The following OSBPL10 variants were observed in gnomAD, a reference collection of about 807,000 sequenced individuals.
The protein encoded by OSBPL10 is oxysterol-binding protein-related protein 10.
In OSBPL10, 49 loss-of-function variants were observed where a neutral mutation model predicts 81.7. The ratio of observed to expected loss-of-function variants is 0.60; its 90% confidence interval spans 0.48 to 0.76. The LOEUF (loss-of-function observed/expected upper bound fraction) is 0.76, where lower values mean the gene tolerates loss of function less well. Among genes scored for constraint, OSBPL10 ranks in the 30% least tolerant of loss-of-function variants. The pLI is 0.00. For missense variants in OSBPL10, 923 were observed against 987.8 expected (o/e 0.93, Z 0.88); for synonymous variants, 419 against 383.6 (o/e 1.09, Z -1.08).
chr3:31,780,629 T>C (rs980534215), intron 4 of OSBPL10, among the ~76,000 whole-genome samples: 2 of 152,026 alleles, frequency 1.3e-5, no homozygotes, highest in Non-Finnish European at 2.9e-5. Flanking sequence ...TGAGAGATAT[T>C]ATAATCAATA....
intron 6 of OSBPL10, chr3:31,718,961 T>C (rs1255419571): frequency 1.3e-5 from 2 of 152,172 alleles, no homozygotes; most frequent in Non-Finnish European, 2.9e-5. Flanking sequence ...GCATTTCTCT[T>C]AATAAGAGGA....
upstream of OSBPL10, among the ~76,000 whole-genome samples, chr3:31,982,174 A>G (rs1364572440): frequency 1.3e-5 from 2 of 152,192 alleles, no homozygotes; most frequent in East Asian, 3.8e-4. Flanking sequence ...GAGGCAAGGG[A>G]AATTAACAGA....
intron 1 of OSBPL10, among the ~76,000 whole-genome samples, chr3:31,953,351 T>A (rs973119813): frequency 1.3e-4 from 20 of 151,984 alleles, no homozygotes; most frequent in African/African-American, 4.8e-4. Flanking sequence ...CACATTATAT[T>A]ATTTAATACC....
chr3:31,814,413 G>C (rs1575562336), intron 4 of OSBPL10, among the ~76,000 whole-genome samples: 1 of 152,302 alleles, frequency 6.6e-6, no homozygotes, highest in East Asian at 1.9e-4. Context: ...TTGGAAATAG[G>C]ACCTGTGGAG....
At chr3:31,783,614 A>T (rs1361710493) in intron 4 of OSBPL10, among the ~76,000 whole-genome samples, 1 of 149,894 alleles carries the variant, frequency 6.7e-6, no homozygotes, top group Non-Finnish European at 1.5e-5. Flanking sequence ...AACATGGTGA[A>T]ATCCCGTCTC....
Position 31,872,506 on chromosome 3 carries a change from A to G in OSBPL10, c.537+3927T>C, listed in dbSNP as rs550555707. Among the ~76,000 whole-genome samples, 10 of 149,094 alleles carry G rather than the reference A, an allele frequency of 6.7e-5. 1 individual carries two copies. Among genetic ancestry groups the G allele is most frequent in the Admixed American group, 1.3e-4 (2 of 14,958 alleles). ...TGATTTAGGGTTATTCACACTTTCA[A>G]TTTTTCCAAGTAAGAATATTAAGAA... On this transcript the variant is annotated intron_variant, in intron 3 of 11. Transcript: ENST00000396556.
intron 1 of OSBPL10, among the ~76,000 whole-genome samples, chr3:31,896,586 C>T (rs1276383905): frequency 1.3e-5 from 2 of 152,178 alleles, no homozygotes; most frequent in East Asian, 3.8e-4. Flanking sequence ...CCAGGACAAT[C>T]GGACATTAAG....
At chr3:31,961,304 T>C (rs192417647) in intron 1 of OSBPL10, among the ~76,000 whole-genome samples, 152 of 152,212 alleles carry the variant, frequency 1.0e-3, no homozygotes, top group African/African-American at 3.6e-3. Context: ...ATTTGAGGGA[T>C]CTGCAGTGCC....
intron 1 of OSBPL10, among the ~76,000 whole-genome samples, chr3:31,914,142 A>G (rs1456167385): frequency 2.0e-5 from 3 of 152,082 alleles, no homozygotes; most frequent in Non-Finnish European, 4.4e-5. Flanking sequence ...GCTGGTCTCG[A>G]ACTCCTGACC....
intron 6 of OSBPL10, among the ~76,000 whole-genome samples, chr3:31,731,311 T>A (rs1007542842): frequency 6.6e-6 from 1 of 152,124 alleles, no homozygotes; most frequent in Non-Finnish European, 1.5e-5. Context: ...TCCATAAGAC[T>A]TTCCCTACTA....
intron 1 of OSBPL10, 61 bp downstream of exon 1, chr3:31,980,828 TACACACACGC>T: frequency 7.0e-7 from 1 of 1,423,624 alleles, no homozygotes; most frequent in Non-Finnish European, 9.2e-7. Flanking sequence ...CAGACACACA[TACACACACGC>T]ACGCACACAC....
At chr3:31,778,775 A>G (rs1698613160) in intron 4 of OSBPL10, among the ~76,000 whole-genome samples, 1 of 152,214 alleles carries the variant, frequency 6.6e-6, no homozygotes, top group Non-Finnish European at 1.5e-5. Flanking sequence ...CAGGTTATCT[A>G]GAGTCAAGAC....
intron 4 of OSBPL10, among the ~76,000 whole-genome samples, chr3:31,768,621 G>T (rs1698270682): frequency 6.6e-6 from 1 of 152,110 alleles, no homozygotes; most frequent in South Asian, 2.1e-4. Context: ...CTATGTTCAT[G>T]TAAATTTAGT....
intron 3 of OSBPL10, among the ~76,000 whole-genome samples, chr3:31,869,584 C>G (rs555468605): frequency 6.6e-6 from 1 of 152,184 alleles, no homozygotes; most frequent in East Asian, 1.9e-4. Flanking sequence ...GAGCTGTTTC[C>G]TCTGCAATAT....
In OSBPL10 at chr3:32,062,958, G is replaced by A. The variant is rs146853601; in HGVS notation, n.185+14438C>T. ...ACTTCTTACTTTTAATGTACTGCCC[G>A]AGTACAAATCCTGATATTGTCATGT... On this transcript the variant is annotated intron_variant and non_coding_transcript_variant, in intron 1 of 3. Transcript: ENST00000479173. Among the ~76,000 whole-genome samples the A allele has an allele frequency of 2.0e-3, 189 of 93,864 alleles. 41 individuals are homozygous for A. The highest frequency in any genetic ancestry group is 5.1e-3 in the African/African-American group (186 of 36,576). 61.6% of individuals were successfully genotyped at this position (93,864 alleles called of 152,430 possible). A position where few individuals can be genotyped will look rare whatever the true frequency, so the allele number is the denominator to read the frequency against.
rs757748683 is a variant in OSBPL10, at chr3:31,937,278, C to CAA, written c.281+43619_281+43620dup. The stretch of plus-strand genomic sequence containing the variant: ...AGCCTGGGCAAGAGACACTCAGGCT[C>CAA]AAAAAAAAAAAAAAAGAAAGAAAGT... On this transcript the variant is annotated intron_variant, in intron 1 of 11. Coordinates refer to ENST00000396556, the MANE Select transcript of OSBPL10 (RefSeq NM_017784.5). Among the ~76,000 whole-genome samples, 123 of 89,132 alleles carry CAA rather than the reference C, an allele frequency of 1.4e-3. 1 individual carries two copies. The highest frequency in any genetic ancestry group is 3.5e-3 in the African/African-American group (88 of 25,386). 58.5% of individuals were successfully genotyped at this position (89,132 alleles called of 152,430 possible).
At chr3:31,876,584 C>T (rs1467929448) in intron 2 of OSBPL10, 72 bp from the exon 3 acceptor site, 2 of 1,319,986 alleles carry the variant, frequency 1.5e-6, no homozygotes, top group African/African-American at 2.9e-5. Flanking sequence ...TATTTCTACA[C>T]CCACCTAAGG....
intron 4 of OSBPL10, among the ~76,000 whole-genome samples, chr3:31,828,163 G>C (rs781486297): frequency 6.6e-6 from 1 of 152,130 alleles, no homozygotes; most frequent in Non-Finnish European, 1.5e-5. Context: ...TCTGCGATGA[G>C]GTCTACATAA....
In OSBPL10 at chr3:31,661,326, GATGTAAA is replaced by G. The variant is rs1575458861; in HGVS notation, c.*739_*745del. 1.3e-5 allele frequency: 2 copies of G among 152,316 alleles called. No homozygotes were observed. The highest frequency in any genetic ancestry group is 3.9e-4 in the East Asian group (2 of 5,188). The allele number at this position is 152,316 out of a possible 1,614,324, so 9.4% of individuals were successfully genotyped here. ...TCTCCATATGATTGACTGGTTTTCT[GATGTAAA>G]AGAAGCAACTTCTCAAAAATGAATG... On this transcript the variant is annotated 3_prime_UTR_variant, in exon 12 of 12. Transcript: ENST00000396556.
Sources: gnomAD v4.1 joint callset for allele counts (sites outside exome capture counted in the v4.1 genomes callset) on GRCh38, gnomAD v4.1.1 for gene constraint, MANE v1.5 for transcripts, NCBI Gene and HGNC (gene_info 2026-07-23, HGNC 2026-07-21) for gene names.